The following TSGA10 variants were observed in gnomAD, a reference collection of about 807,000 sequenced individuals.
TSGA10 encodes the protein testis-specific gene 10 protein.
In TSGA10, 43 loss-of-function variants were observed where a neutral mutation model predicts 96.6. The observed-to-expected ratio is 0.44, with a 90% CI of 0.35 to 0.57. TSGA10 has a LOEUF of 0.57. TSGA10 is among the 20% of genes least tolerant of loss of function. The pLI, the probability that TSGA10 is intolerant of heterozygous loss-of-function variation, is 0.01. For synonymous variants in TSGA10, 229 were observed against 269.9 expected (o/e 0.85, Z 1.48); for missense variants, 703 against 834.4 (o/e 0.84, Z 1.94).
chr2:99,117,051 C>A (rs1314254770), intron 4 of TSGA10: 2 of 152,176 alleles, frequency 1.3e-5, no homozygotes, highest in African/African-American at 4.8e-5. Flanking sequence ...ATAGTGCTGC[C>A]ATAAACACGG....
At chr2:99,042,864 C>T (rs1027158727) in intron 16 of TSGA10, among the ~76,000 whole-genome samples, 3 of 151,876 alleles carry the variant, frequency 2.0e-5, no homozygotes, top group Non-Finnish European at 4.4e-5. Context: ...CCATCATGCC[C>T]GGCTAATTTT....
chr2:99,044,685 G>A (rs7340412), intron 16 of TSGA10, among the ~76,000 whole-genome samples: 65,952 of 151,696 alleles, frequency 0.43, 16,980 homozygotes, highest in African/African-American at 0.72. Context: ...AAGCGGACCA[G>A]GCAGACAACA....
At chr2:99,019,434 T>C (rs1327915416) in intron 18 of TSGA10, among the ~76,000 whole-genome samples, 1 of 152,168 alleles carries the variant, frequency 6.6e-6, no homozygotes, top group Non-Finnish European at 1.5e-5. Context: ...GGAATCATAA[T>C]AGGCTAGCTA....
intron 1 of TSGA10, chr2:99,140,975 G>T: frequency 3.6e-6 from 3 of 824,820 alleles, no homozygotes; most frequent in Non-Finnish European, 4.7e-6. Context: ...AACTCCGCCC[G>T]CCACGGCCCC....
intron 17 of TSGA10, among the ~76,000 whole-genome samples, chr2:99,034,173 T>C (rs1282143786): frequency 6.6e-6 from 1 of 151,994 alleles, no homozygotes; most frequent in Non-Finnish European, 1.5e-5. Flanking sequence ...CAAATCTCCA[T>C]ACATTCTGGA....
At chr2:99,142,705 G>A (rs2093582705) in intron 1 of TSGA10, among the ~76,000 whole-genome samples, 3 of 152,148 alleles carry the variant, frequency 2.0e-5, no homozygotes, top group Admixed American at 6.5e-5. Context: ...ATAACAAACT[G>A]AGAAGTTATG....
At chr2:99,001,472 C>T (rs2077899843) in intron 20 of TSGA10, among the ~76,000 whole-genome samples, 2 of 152,172 alleles carry the variant, frequency 1.3e-5, no homozygotes, top group Admixed American at 1.3e-4. Flanking sequence ...AAAACCCCAT[C>T]TGTAGGTCAC....
intron 20 of TSGA10, among the ~76,000 whole-genome samples, chr2:99,000,166 G>T (rs915218042): frequency 4.6e-5 from 7 of 152,116 alleles, no homozygotes; most frequent in African/African-American, 1.7e-4. Flanking sequence ...GAGGTCAGGA[G>T]TTTGAGACCA....
intron 16 of TSGA10, among the ~76,000 whole-genome samples, chr2:99,060,473 T>A (rs6757019): frequency 0.35 from 53,355 of 152,032 alleles, 10,705 homozygotes; most frequent in African/African-American, 0.55. Flanking sequence ...GGATACACCA[T>A]GTTTATGGAT....
rs1320274310 is a variant in TSGA10, at chr2:99,085,606, C to CT, written c.612-4210dup. Among the ~76,000 whole-genome samples, 18 of 42,788 alleles carry CT rather than the reference C, an allele frequency of 4.2e-4. No individual in the cohort carries two copies. In the East Asian group the frequency reaches 7.3e-3, roughly 17 times the overall value. 28.1% of individuals were successfully genotyped at this position (42,788 alleles called of 152,430 possible). A position where few individuals can be genotyped will look rare whatever the true frequency, so the allele number is the denominator to read the frequency against. Reference sequence around the variant, plus strand: ...CCTGGGCAACAGAGGGCAATCCTGTCTTTAAAAAAAAAAAAAAAAAAAAAA... The same window carrying CT: ...CCTGGGCAACAGAGGGCAATCCTGTCTTTTAAAAAAAAAAAAAAAAAAAAAA... On this transcript the variant is annotated intron_variant, in intron 10 of 20. Transcript: ENST00000393483.
intron 16 of TSGA10, 64 bp from the exon 17 acceptor site, chr2:99,035,503 C>A: frequency 1.7e-6 from 2 of 1,196,188 alleles, no homozygotes; most frequent in Middle Eastern, 2.9e-4. Flanking sequence ...GAAACTATAA[C>A]ATGGAAAAAT....
intron 4 of TSGA10, among the ~76,000 whole-genome samples, chr2:99,113,382 G>A (rs1280955946): frequency 6.6e-6 from 1 of 152,134 alleles, no homozygotes; most frequent in Non-Finnish European, 1.5e-5. Flanking sequence ...AGAGGGGAAG[G>A]TGGAGGGAGA....
chr2:99,128,144 GGAATTA>G (rs947212291), intron 1 of TSGA10, among the ~76,000 whole-genome samples: 4 of 152,008 alleles, frequency 2.6e-5, no homozygotes, highest in African/African-American at 9.7e-5. Flanking sequence ...TCCTACCTAG[GGAATTA>G]CAGAATCAGG....
chr2:99,092,936 A>C (rs1316631044), intron 10 of TSGA10, among the ~76,000 whole-genome samples: 1 of 152,126 alleles, frequency 6.6e-6, no homozygotes, highest in Non-Finnish European at 1.5e-5. Context: ...CAAAACCAGG[A>C]AAGGACATAA....
At chr2:99,056,629 G>A (rs1341847046) in intron 16 of TSGA10, among the ~76,000 whole-genome samples, 2 of 151,962 alleles carry the variant, frequency 1.3e-5, no homozygotes, top group Non-Finnish European at 2.9e-5. Flanking sequence ...GGCTTTACTG[G>A]TAAATTTTTA....
chr2:99,146,109 A>C (rs536669830), intron 1 of TSGA10, among the ~76,000 whole-genome samples: 9 of 152,088 alleles, frequency 5.9e-5, no homozygotes, highest in African/African-American at 2.2e-4. Context: ...ATGGCGAAAC[A>C]TCGTCTCTAC....
intron 1 of TSGA10, among the ~76,000 whole-genome samples, chr2:99,140,843 G>A (rs1194418279): frequency 1.3e-5 from 2 of 152,100 alleles, no homozygotes; most frequent in South Asian, 2.1e-4. Context: ...GCGAAGCAGT[G>A]ACCATAGGAA....
At position 99,078,725 on chromosome 2, in the gene TSGA10, G is replaced by C; in HGVS notation, c.816C>G (p.Cys272Trp). Reference protein sequence around the residue: ...TLNDLAKEKECLQACLDKKSE... With the variant: ...TLNDLAKEKEWLQACLDKKSE... ...ATTTTTTATCCAAACATGCTTGCAG[G>C]CATTCCTTTTCTTTAGCCAGATCAT... The change falls in exon 12 of 21, where the codon TGC becomes TGG. Residue 272 changes from cysteine to tryptophan, a missense_variant. Around this residue, in one of 3 missense-constraint regions of TSGA10, gnomAD observed 585 missense variants for 656.8 expected, o/e 0.89. Transcript: ENST00000393483. 1 of 1,613,486 alleles carries C rather than the reference G, an allele frequency of 6.2e-7. No homozygotes were observed. The highest frequency in any genetic ancestry group is 8.5e-7 in the Non-Finnish European group (1 of 1,179,790).
intron 10 of TSGA10, among the ~76,000 whole-genome samples, chr2:99,098,143 G>GA: frequency 6.6e-6 from 1 of 151,840 alleles, no homozygotes; most frequent in African/African-American, 2.4e-5. Flanking sequence ...GTTTCTATTA[G>GA]AAAAAAAGGC....
Sources: allele counts gnomAD v4.1 joint callset (sites outside exome capture counted in the v4.1 genomes callset), GRCh38; gene constraint gnomAD v4.1.1; regional missense constraint gnomAD v4.1.1; transcripts MANE v1.5; gene names NCBI Gene and HGNC (gene_info 2026-07-23, HGNC 2026-07-21).